PCDH15: variants seen among roughly 807,000 people sequenced by gnomAD.
The protein encoded by PCDH15 is protocadherin-15.
PCDH15 carries 129 observed loss-of-function variants against 178.5 expected under a neutral mutation model. The observed-to-expected ratio is 0.72, with a 90% CI of 0.63 to 0.84. PCDH15 has a LOEUF of 0.84. PCDH15 is among the 40% of genes least tolerant of loss of function. The pLI is 0.00. For synonymous variants in PCDH15, 800 were observed against 732.0 expected (o/e 1.09, Z -1.50); for missense variants, 2,230 against 2,099.9 (o/e 1.06, Z -1.21).
chr10:54,853,316 T>C (rs796746170), intron 3 of PCDH15, among the ~76,000 whole-genome samples: 15,272 of 115,096 alleles, frequency 0.13, 1,193 homozygotes, highest in African/African-American at 0.25. Context: ...TATATATATA[T>C]ATACATACAC....
At chr10:54,156,072 G>A (rs1289976180) in intron 13 of PCDH15, among the ~76,000 whole-genome samples, 1 of 152,128 alleles carries the variant, frequency 6.6e-6, no homozygotes, top group African/African-American at 2.4e-5. Context: ...TTGCTTACAA[G>A]TTTCAGATGA....
Position 54,615,921 on chromosome 10 carries a change from G to A in PCDH15, c.91+48251C>T, listed in dbSNP as rs550526953. On this transcript the variant is annotated intron_variant, in intron 2 of 37. Transcript: ENST00000644397. Reference sequence around the variant, plus strand: ...ATGGATACTTAGTCTTAATGTCAGTGGCATCACAGGGATTGGTACAGACAC... The same window carrying A: ...ATGGATACTTAGTCTTAATGTCAGTAGCATCACAGGGATTGGTACAGACAC... Among the ~76,000 whole-genome samples the A allele has an allele frequency of 2.9e-3, 436 of 152,054 alleles. 1 individual carries two copies. The highest frequency in any genetic ancestry group is 5.0e-3 in the Non-Finnish European group (340 of 67,960).
intron 2 of PCDH15, among the ~76,000 whole-genome samples, chr10:55,115,152 A>G (rs189418025): frequency 6.6e-6 from 1 of 152,350 alleles, no homozygotes; most frequent in East Asian, 1.9e-4. Context: ...CCTGTTAATT[A>G]TAAATGAATA....
At chr10:54,947,006 T>C (rs1249250324) in intron 2 of PCDH15, among the ~76,000 whole-genome samples, 2 of 151,914 alleles carry the variant, frequency 1.3e-5, no homozygotes, top group Non-Finnish European at 2.9e-5. Flanking sequence ...ATAAACAAAA[T>C]GTTAATTTAA....
chr10:53,934,530 G>A (rs1455602661), intron 25 of PCDH15, among the ~76,000 whole-genome samples: 8 of 151,612 alleles, frequency 5.3e-5, no homozygotes, highest in African/African-American at 9.7e-5. Flanking sequence ...CCCAGGAGGC[G>A]GTGCTTGCAG....
intron 18 of PCDH15, among the ~76,000 whole-genome samples, chr10:54,053,982 T>C (rs1230675393): frequency 6.6e-6 from 1 of 152,088 alleles, no homozygotes; most frequent in Non-Finnish European, 1.5e-5. Context: ...TGGTGATTAC[T>C]TGGATATGGA....
intron 26 of PCDH15, among the ~76,000 whole-genome samples, chr10:53,888,304 A>ATATACATATATATATATATG (rs1554845199): frequency 1.1e-5 from 1 of 88,976 alleles, no homozygotes; most frequent in Non-Finnish European, 2.0e-5. Flanking sequence ...ATATATATAT[A>ATATACATATATATATATATG]TATATGTATA....
In PCDH15 at chr10:55,222,746, T is replaced by TATATATATATA. The variant is rs1840921158; in HGVS notation, c.-155-56106_-155-56096dup. Among the ~76,000 whole-genome samples the TATATATATATA allele has an allele frequency of 2.4e-5, 3 of 127,652 alleles. 1 individual carries two copies. The highest frequency in any genetic ancestry group is 6.4e-5 in the African/African-American group (2 of 31,284). The allele number at this position is 127,652 out of a possible 152,430, so 83.7% of individuals were successfully genotyped here. A position where few individuals can be genotyped will look rare whatever the true frequency, so the allele number is the denominator to read the frequency against. On this transcript the variant is annotated intron_variant, in intron 1 of 5. Coordinates refer to the PCDH15 transcript ENST00000458638. ...ACACACACACATATATATATATATA[T>TATATATATATA]ATATATATATATATATATATATGTA...
chr10:54,199,579 T>C (rs1369613915), intron 10 of PCDH15, among the ~76,000 whole-genome samples: 2 of 148,658 alleles, frequency 1.3e-5, no homozygotes, highest in African/African-American at 4.9e-5. Context: ...ACAATAATAA[T>C]AATAATAATA....
At chr10:53,916,094 A>G (rs2133827652) in intron 25 of PCDH15, among the ~76,000 whole-genome samples, 1 of 152,292 alleles carries the variant, frequency 6.6e-6, no homozygotes, top group East Asian at 1.9e-4. Flanking sequence ...ACCTAATACA[A>G]TGTAAATGCT....
intron 2 of PCDH15, among the ~76,000 whole-genome samples, chr10:54,577,263 T>TTG (rs2090575975): frequency 7.3e-5 from 11 of 150,752 alleles, no homozygotes; most frequent in Admixed American, 7.3e-4. Flanking sequence ...TTTTTTTTTT[T>TTG]TGTAATTTTT....
chr10:55,032,669 T>C (rs1840640969), intron 2 of PCDH15, among the ~76,000 whole-genome samples: 1 of 152,156 alleles, frequency 6.6e-6, no homozygotes, highest in African/African-American at 2.4e-5. Flanking sequence ...AACCAAGGGA[T>C]GGGTCATCTA....
intron 2 of PCDH15, among the ~76,000 whole-genome samples, chr10:54,998,399 A>G (rs1268854740): frequency 6.6e-6 from 1 of 152,100 alleles, no homozygotes; most frequent in Non-Finnish European, 1.5e-5. Context: ...TAATAATAAA[A>G]AAAAGAAAAA....
rs535020347 is a variant in PCDH15 at position 54,927,788 on chromosome 10, G to T, written c.-79-30288C>A. ...CTGTTTTCTGTTTTCCATTTGCTTG[G>T]TAGATATTTTTTCATCCATTTACTT... On this transcript the variant is annotated intron_variant, in intron 2 of 5. Transcript: ENST00000458638. Among the ~76,000 whole-genome samples, 34 of 151,932 alleles carry T rather than the reference G, an allele frequency of 2.2e-4. 1 individual carries two copies. The highest frequency in any genetic ancestry group is 8.2e-4 in the African/African-American group (34 of 41,436).
At chr10:54,825,664 A>G (rs2133745480) in intron 3 of PCDH15, among the ~76,000 whole-genome samples, 1 of 151,692 alleles carries the variant, frequency 6.6e-6, no homozygotes, top group South Asian at 2.1e-4. Flanking sequence ...TGGCTGCATA[A>G]ATGTCTTCTT....
At chr10:54,228,399 C>T (rs1407833038) in intron 9 of PCDH15, among the ~76,000 whole-genome samples, 3 of 152,132 alleles carry the variant, frequency 2.0e-5, no homozygotes, top group Non-Finnish European at 2.9e-5. Context: ...AATAACAACA[C>T]AGGAAAGACT....
At chr10:55,621,014 AAT>A (rs886975946) in intron 2 of PCDH15, among the ~76,000 whole-genome samples, 3 of 148,540 alleles carry the variant, frequency 2.0e-5, no homozygotes, top group East Asian at 1.9e-4. Context: ...AACTGTTCTG[AAT>A]ATATATATAT....
intron 2 of PCDH15, among the ~76,000 whole-genome samples, chr10:54,650,771 A>G (rs1046696914): frequency 1.3e-5 from 2 of 152,092 alleles, no homozygotes; most frequent in Non-Finnish European, 2.9e-5. Context: ...TTACAAAACC[A>G]TCAGATCTCA....
intron 2 of PCDH15, among the ~76,000 whole-genome samples, chr10:55,002,815 A>G (rs1482393542): frequency 6.6e-6 from 1 of 152,204 alleles, no homozygotes; most frequent in Non-Finnish European, 1.5e-5. Context: ...TATAAATTAA[A>G]CATTAATAGC....
Sources: gnomAD v4.1 joint callset for allele counts (sites outside exome capture counted in the v4.1 genomes callset) on GRCh38, gnomAD v4.1.1 for gene constraint, MANE v1.5 for transcripts, NCBI Gene and HGNC (gene_info 2026-07-23, HGNC 2026-07-21) for gene names.